Variants in AUTS2 observed in about 807,000 individuals in gnomAD.
AUTS2 encodes autism susceptibility gene 2 protein.
In AUTS2, 17 loss-of-function variants were observed where a neutral mutation model predicts 112.4. The ratio of observed to expected loss-of-function variants is 0.15; its 90% CI spans 0.10 to 0.23. The LOEUF is 0.23. Ranked by LOEUF, AUTS2 falls within the 10% of genes least tolerant of loss-of-function variation. The pLI is 1.00. For missense variants in AUTS2, 1,510 were observed against 1,701.6 expected, an observed-to-expected ratio of 0.89 and a Z score of 1.98; for synonymous variants, 751 against 702.7, an observed-to-expected ratio of 1.07 and a Z score of -1.09.
intron 1 of AUTS2, among the ~76,000 whole-genome samples, chr7:69,602,388 A>G (rs1792486330): frequency 6.6e-6 from 1 of 152,136 alleles, no homozygotes; most frequent in Non-Finnish European, 1.5e-5. Flanking sequence ...TCATATGTCT[A>G]TCTATGTGTA....
intron 6 of AUTS2, among the ~76,000 whole-genome samples, chr7:70,746,767 G>A (rs1788481566): frequency 6.6e-6 from 1 of 152,156 alleles, no homozygotes; most frequent in African/African-American, 2.4e-5. Flanking sequence ...TGTCTGTGAT[G>A]AGAAGCCACT....
chr7:69,809,250 A>AT (rs899737367), intron 1 of AUTS2, among the ~76,000 whole-genome samples: 31 of 149,740 alleles, frequency 2.1e-4, no homozygotes, highest in Admixed American at 8.6e-4. Flanking sequence ...AATTTTTTGT[A>AT]TTTTTTTTTG....
chr7:69,855,154 A>G (rs1354464896), intron 1 of AUTS2, among the ~76,000 whole-genome samples: 1 of 152,244 alleles, frequency 6.6e-6, no homozygotes, highest in African/African-American at 2.4e-5. Context: ...AGCATTACCT[A>G]TGAGCTTCAC....
At chr7:69,981,196 CCACTGTGGTA>C (rs1798280557) in intron 2 of AUTS2, among the ~76,000 whole-genome samples, 1 of 152,170 alleles carries the variant, frequency 6.6e-6, no homozygotes, top group Non-Finnish European at 1.5e-5. Flanking sequence ...TGGGTATGGT[CCACTGTGGTA>C]CACGGGTGTC....
At chr7:70,324,666 A>G (rs1334506747) in intron 4 of AUTS2, among the ~76,000 whole-genome samples, 1 of 152,190 alleles carries the variant, frequency 6.6e-6, no homozygotes, top group Non-Finnish European at 1.5e-5. Flanking sequence ...CTGATCCTGT[A>G]TATATTGTCT....
chr7:70,651,793 AAGGT>A (rs1806521511), intron 5 of AUTS2, among the ~76,000 whole-genome samples: 1 of 152,152 alleles, frequency 6.6e-6, no homozygotes, highest in South Asian at 2.1e-4. Flanking sequence ...AGTGAGATAA[AAGGT>A]AGGGAAAGTT....
At chr7:69,995,402 C>A (rs1798903762) in intron 2 of AUTS2, among the ~76,000 whole-genome samples, 1 of 152,132 alleles carries the variant, frequency 6.6e-6, no homozygotes, top group Non-Finnish European at 1.5e-5. Flanking sequence ...TCTAATTTGA[C>A]TGGAAGATTT....
At chr7:70,580,184 G>A (rs929122631) in intron 5 of AUTS2, among the ~76,000 whole-genome samples, 1 of 152,112 alleles carries the variant, frequency 6.6e-6, no homozygotes, top group Non-Finnish European at 1.5e-5. Context: ...CGTACTAGAC[G>A]GTTTCACTCT....
At chr7:70,495,406 T>C (rs920766826) in intron 5 of AUTS2, among the ~76,000 whole-genome samples, 4 of 152,048 alleles carry the variant, frequency 2.6e-5, no homozygotes, top group Non-Finnish European at 5.9e-5. Flanking sequence ...TCCCCTTATC[T>C]GTCCAAGGCG....
chr7:69,634,319 AC>A (rs1794417132), intron 1 of AUTS2, among the ~76,000 whole-genome samples: 1 of 151,752 alleles, frequency 6.6e-6, no homozygotes, highest in African/African-American at 2.4e-5. Flanking sequence ...ACAGGGTTTC[AC>A]CGTGTTAGCC....
chr7:70,387,642 A>T (rs1234029353), intron 4 of AUTS2, among the ~76,000 whole-genome samples: 2 of 152,168 alleles, frequency 1.3e-5, no homozygotes, highest in African/African-American at 4.8e-5. Context: ...CCATAATGTG[A>T]CCCAAGGTTG....
chr7:69,915,975 T>C (rs545611619), intron 2 of AUTS2, among the ~76,000 whole-genome samples: 1 of 152,306 alleles, frequency 6.6e-6, no homozygotes, highest in South Asian at 2.1e-4. Flanking sequence ...TGCCTTGGCC[T>C]CCCAAAGTGC....
intron 2 of AUTS2, among the ~76,000 whole-genome samples, chr7:70,086,312 T>A (rs1803597472): frequency 1.3e-5 from 2 of 152,210 alleles, no homozygotes; most frequent in South Asian, 4.1e-4. Context: ...GGTGTGTTTC[T>A]TTATTTCTTT....
At chr7:70,749,357 C>T (rs188708099) in intron 6 of AUTS2, among the ~76,000 whole-genome samples, 390 of 152,060 alleles carry the variant, frequency 2.6e-3, no homozygotes, top group Non-Finnish European at 3.9e-3. Flanking sequence ...CTGGGCGGCA[C>T]GGGGAGGGGG....
intron 4 of AUTS2, among the ~76,000 whole-genome samples, chr7:70,307,472 A>AT (rs1261920627): frequency 6.6e-5 from 10 of 152,238 alleles, no homozygotes; most frequent in Non-Finnish European, 1.5e-4. Context: ...CTCTACTGAA[A>AT]TGCCTGTAGG....
intron 4 of AUTS2, among the ~76,000 whole-genome samples, chr7:70,322,603 T>C (rs565815871): frequency 1.3e-5 from 2 of 152,328 alleles, no homozygotes; most frequent in African/African-American, 4.8e-5. Flanking sequence ...TTTTATGGCC[T>C]CTCTGCTGGT....
intron 4 of AUTS2, among the ~76,000 whole-genome samples, chr7:70,195,667 C>T (rs1810134328): frequency 6.6e-6 from 1 of 152,078 alleles, no homozygotes; most frequent in African/African-American, 2.4e-5. Context: ...CAAAACAAAA[C>T]CAAAAGAATT....
chr7:70,055,365 C>A (rs982964727), intron 2 of AUTS2, among the ~76,000 whole-genome samples: 1 of 152,018 alleles, frequency 6.6e-6, no homozygotes, highest in Non-Finnish European at 1.5e-5. Flanking sequence ...ACCCAGGAGG[C>A]GGAGGTTGTG....
chr7:69,733,256 G>A (rs1402892969), intron 1 of AUTS2, among the ~76,000 whole-genome samples: 4 of 152,076 alleles, frequency 2.6e-5, no homozygotes, highest in Non-Finnish European at 4.4e-5. Context: ...TTAGTCAGTG[G>A]GGGGCAAATT....
Sources: allele counts gnomAD v4.1 joint callset (sites outside exome capture counted in the v4.1 genomes callset), GRCh38; gene constraint gnomAD v4.1.1; transcripts MANE v1.5; gene names NCBI Gene and HGNC (gene_info 2026-07-23, HGNC 2026-07-21).